Variants in NOLC1 observed in about 807,000 individuals in gnomAD.
NOLC1 encodes the protein nucleolar and coiled-body phosphoprotein 1.
Under a neutral mutation model 73.4 loss-of-function variants are expected in NOLC1, and 37 were observed. The ratio of observed to expected loss-of-function variants is 0.50; its 90% CI spans 0.39 to 0.66. The LOEUF (loss-of-function observed/expected upper bound fraction) is 0.66. Ranked by LOEUF, NOLC1 falls within the 30% of genes least tolerant of loss-of-function variation. The pLI is 0.00. For missense variants in NOLC1, 921 were observed against 838.9 expected (o/e 1.10, Z -1.21); for synonymous variants, 327 against 302.6 (o/e 1.08, Z -0.84).
chr10:102,157,525 T>TGAG lies in NOLC1; in HGVS notation c.417_419dup (p.Glu139dup). 1 of 1,613,960 alleles carries TGAG rather than the reference T, an allele frequency of 6.2e-7. No homozygotes were observed. The highest frequency in any genetic ancestry group is 8.5e-7 in the Non-Finnish European group (1 of 1,179,994). On this transcript the variant is annotated inframe_insertion, in exon 4 of 13. Transcript: ENST00000605788. ...GTGAAGAGTCCAGTGATGATGATGA[T>TGAG]GAGGAGGACCAAAAGAAACAGCCTG...
rs771424736 is a variant in NOLC1, at chr10:102,159,998, G to A, written c.962G>A (p.Ser321Asn). ...GTGGAGAAGCAGCAGCCTGTGGAAA[G>A]CAGTGAAGACAGCAGTGATGAGTCT... ...KAVEKQQPVESSEDSSDESDS... is the reference protein window; with the variant it reads ...KAVEKQQPVENSEDSSDESDS... The change falls in exon 8 of 13, where the codon AGC becomes AAC. Residue 321 changes from serine (S) to asparagine (N), a missense_variant. Transcript: ENST00000605788. The A allele has an allele frequency of 6.2e-7, 1 of 1,612,824 alleles. No individual in the cohort carries two copies. The highest frequency in any genetic ancestry group is 1.3e-5 in the African/African-American group (1 of 74,916).
rs1403996772 is a variant in NOLC1 at position 102,157,457 on chromosome 10, C to T, written c.343C>T (p.Pro115Ser). The T allele has an allele frequency of 6.2e-7, 1 of 1,614,122 alleles. No individual in the cohort carries two copies. Residue 115 changes from proline to serine, a missense_variant, in exon 4 of 13, where the codon CCT becomes TCT. Coordinates refer to ENST00000605788, the MANE Select transcript of NOLC1 (RefSeq NM_004741.5). ...AAVPAKRVGL[P>S]PGKAAAKASE... Reference sequence around the variant, plus strand: ...TGTACCTGCCAAGCGAGTCGGTCTGCCTCCTGGGAAGGCTGCAGCCAAAGC... The same window carrying T: ...TGTACCTGCCAAGCGAGTCGGTCTGTCTCCTGGGAAGGCTGCAGCCAAAGC...
At chr10:102,153,370 T>C (rs571840856) in intron 1 of NOLC1, among the ~76,000 whole-genome samples, 1 of 152,268 alleles carries the variant, frequency 6.6e-6, no homozygotes, top group East Asian at 1.9e-4. Flanking sequence ...ACCAGGAATG[T>C]GAAAGGTTTG....
In NOLC1 at chr10:102,161,858, T is replaced by A. The variant is rs1223742464; in HGVS notation, c.1874T>A (p.Phe625Tyr). 6.2e-7 allele frequency: 1 copy of A among 1,613,962 alleles called. No individual in the cohort carries two copies. Among genetic ancestry groups the A allele is most frequent in the East Asian group, 2.2e-5 (1 of 44,874 alleles). ...GGAGAAAAAAGGGCATCATCCCCAT[T>A]CCGAAGGGTCAGGGAGGAGGAAATT... Reference protein sequence around the residue: ...KKGEKRASSPFRRVREEEIEV... With the variant: ...KKGEKRASSPYRRVREEEIEV... The change falls in exon 12 of 13, where the codon TTC becomes TAC. Residue 625 changes from phenylalanine (F) to tyrosine (Y), a missense_variant. Phe to Tyr is a conservative substitution (Grantham distance 22). Coordinates refer to ENST00000605788, the MANE Select transcript of NOLC1 (RefSeq NM_004741.5).
rs1481741550 is a variant in NOLC1 at position 102,160,025 on chromosome 10, G to GTGAGTCAGAGGGATGCAGCC, written c.988+3_988+22dup. On this transcript the variant is annotated splice_donor_variant, in intron 8 of 12. Transcript: ENST00000605788. LOFTEE classifies it high-confidence loss of function. ...AGTGAAGACAGCAGTGATGAGTCTG[G>GTGAGTCAGAGGGATGCAGCC]TGAGTCAGAGGGATGCAGCCTCCCC... 4.3e-6 allele frequency: 7 copies of GTGAGTCAGAGGGATGCAGCC among 1,612,600 alleles called. No homozygotes were observed. Among genetic ancestry groups the GTGAGTCAGAGGGATGCAGCC allele is most frequent in the Non-Finnish European group, 5.9e-6 (7 of 1,179,272 alleles).
chr10:102,160,102 C>G, intron 8 of NOLC1, 78 bp downstream of exon 8: 1 of 1,588,780 alleles, frequency 6.3e-7, no homozygotes, highest in Admixed American at 1.8e-5. Context: ...AGAAAGCCTT[C>G]CATCCTTCGG....
intron 4 of NOLC1, 60 bp from the exon 5 acceptor site, chr10:102,157,989 G>A: frequency 6.7e-7 from 1 of 1,491,282 alleles, no homozygotes; most frequent in South Asian, 1.2e-5. Context: ...AGGAACCTAG[G>A]ATGCCCTTTG....
chr10:102,159,932 C>G lies in NOLC1; in HGVS notation c.896C>G (p.Pro299Arg), dbSNP rs148574895. The G allele has an allele frequency of 1.1e-5, 18 of 1,608,440 alleles. No homozygotes were observed. In the East Asian group the frequency reaches 1.1e-4, roughly 10 times the overall value. ...TCAGTCCCCCCGCCTTCTGCTCCCC[C>G]ACCAAAGAAGTCTCTGGGAACCCAG... is the stretch of plus-strand genomic sequence containing the variant. ...YSSVPPPSAP[P>R]PKKSLGTQPP... The change falls in exon 8 of 13, where the codon CCA becomes CGA. Residue 299 changes from proline to arginine, a missense_variant. By Grantham distance (103) the Pro-to-Arg change is moderately radical. Transcript: ENST00000605788.
rs776552035 is a variant in NOLC1, at chr10:102,158,000, G to T, written c.442-49G>T. On this transcript the variant is annotated intron_variant, in intron 4 of 12. Transcript: ENST00000605788. ...TAAAAGGAACCTAGGATGCCCTTTG[G>T]GTACCCGGAAGCTTTTGCTGATTTC... is the stretch of plus-strand genomic sequence containing the variant. 4.5e-6 allele frequency: 7 copies of T among 1,565,240 alleles called. No individual in the cohort carries two copies. The Admixed American group carries it at 1.1e-4, about 25-fold the overall frequency.
At chr10:102,157,603 AAAC>A (rs762347584) in intron 4 of NOLC1, 48 bp downstream of exon 4, 14 of 1,588,696 alleles carry the variant, frequency 8.8e-6, no homozygotes, top group African/African-American at 4.1e-5. Context: ...AGAAAGGAAG[AAAC>A]CTAAAATCTT....
intron 1 of NOLC1, among the ~76,000 whole-genome samples, chr10:102,155,429 C>G (rs2069579906): frequency 6.6e-6 from 1 of 150,874 alleles, no homozygotes; most frequent in Non-Finnish European, 1.5e-5. Flanking sequence ...CACTGTCTTG[C>G]CCAGGCTGGT....
In NOLC1 at chr10:102,158,006, C is replaced by T. The variant is rs765093080; in HGVS notation, c.442-43C>T. On this transcript the variant is annotated intron_variant, in intron 4 of 12. Coordinates refer to ENST00000605788, the MANE Select transcript of NOLC1 (RefSeq NM_004741.5). ...GAACCTAGGATGCCCTTTGGGTACC[C>T]GGAAGCTTTTGCTGATTTCTCTCCT... 1.1e-5 allele frequency: 17 copies of T among 1,586,636 alleles called. No homozygotes were observed. The African/African-American group carries it at 1.4e-4, about 13-fold the overall frequency.
rs1248981531 is a variant in NOLC1 at position 102,163,170 on chromosome 10, C to T, written c.*901C>T. ...GAAAAATACATATCACTTGGTATTG[C>T]TGTCTTGGTTGCAGTGGTGATACAG... On this transcript the variant is annotated 3_prime_UTR_variant, in exon 13 of 13. Coordinates refer to ENST00000605788, the MANE Select transcript of NOLC1 (RefSeq NM_004741.5). 6.6e-6 allele frequency: 1 copy of T among 152,070 alleles called. No individual in the cohort carries two copies. Among genetic ancestry groups the T allele is most frequent in the Admixed American group, 6.6e-5 (1 of 15,256 alleles). The allele number at this position is 152,070 out of a possible 1,614,324, so 9.4% of individuals were successfully genotyped here.
rs1378850498 is a variant in NOLC1, at chr10:102,160,238, A to G, written c.994A>G (p.Ser332Gly). 1.9e-6 allele frequency: 3 copies of G among 1,613,376 alleles called. No individual in the cohort carries two copies. The highest frequency in any genetic ancestry group is 1.1e-5 in the South Asian group (1 of 91,072). Residue 332 changes from serine (S) to glycine (G), a missense_variant, in exon 9 of 13, where the codon AGT becomes GGT. Transcript: ENST00000605788. ...ATGCTACAGGTTCTCCTCAGATTCA[A>G]GTTCTGAAGAAGAGAAGAAACCCCC... ...SEDSSDESDS[S>G]SEEEKKPPTK... is the part of the protein sequence containing the mutation.
intron 1 of NOLC1, among the ~76,000 whole-genome samples, chr10:102,154,892 G>C (rs778754664): frequency 6.6e-6 from 1 of 152,164 alleles, no homozygotes; most frequent in Non-Finnish European, 1.5e-5. Context: ...GTCTCACTCT[G>C]TCGCCCAGGC....
In NOLC1 at chr10:102,160,844, G is replaced by A; in HGVS notation, c.1492G>A (p.Ala498Thr). ...SAVKKKPQKVAGGAAPSKPAS... is the reference protein window; with the variant it reads ...SAVKKKPQKVTGGAAPSKPAS... ...AGTTAAGAAGAAGCCACAGAAGGTA[G>A]CAGGAGGTGCAGCCCCTTCCAAGCC... The change falls in exon 10 of 13, where the codon GCA (alanine) becomes ACA (threonine). Residue 498 changes from alanine to threonine, a missense_variant. Transcript: ENST00000605788. 1 of 1,614,172 alleles carries A rather than the reference G, an allele frequency of 6.2e-7. No individual in the cohort carries two copies. Among genetic ancestry groups the A allele is most frequent in the Non-Finnish European group, 8.5e-7 (1 of 1,180,040 alleles).
rs1298328539 is a variant in NOLC1, at chr10:102,161,088, A to C, written c.1736A>C (p.Lys579Thr). 6.2e-7 allele frequency: 1 copy of C among 1,605,682 alleles called. No homozygotes were observed. The highest frequency in any genetic ancestry group is 1.3e-5 in the African/African-American group (1 of 74,534). ...AAAAAGGCGGCAGTGGTAGTTTCCA[A>C]ATCAGGTCTGTACCCAATGAACATG... ...EKKKAAVVVS[K>T]SGSLKKRKQN... Residue 579 changes from lysine (K) to threonine (T), a missense_variant, in exon 10 of 13, where the codon AAA becomes ACA. Transcript: ENST00000605788.
intron 1 of NOLC1, among the ~76,000 whole-genome samples, chr10:102,154,722 T>C (rs1448136477): frequency 1.3e-5 from 2 of 151,888 alleles, no homozygotes; most frequent in Non-Finnish European, 2.9e-5. Flanking sequence ...AGAGATGGGG[T>C]TTCACCATAC....
At position 102,160,323 on chromosome 10, in the gene NOLC1, A is replaced by T. The variant is rs2069678788; in HGVS notation, c.1079A>T (p.Glu360Val). 8 of 1,614,116 alleles carry T rather than the reference A, an allele frequency of 5.0e-6. No individual in the cohort carries two copies. The highest frequency in any genetic ancestry group is 5.9e-6 in the Non-Finnish European group (7 of 1,180,036). Residue 360 changes from glutamate (E) to valine (V), a missense_variant, in exon 9 of 13, where the codon GAG becomes GTG. Glu to Val is a moderately radical substitution (Grantham distance 121). Coordinates refer to ENST00000605788, the MANE Select transcript of NOLC1 (RefSeq NM_004741.5). ...TKPPPAKKAA[E>V]SSSDSSDSDS... is the part of the protein sequence containing the mutation. ...CCACCTCCAGCAAAGAAAGCAGCAG[A>T]GAGCTCTTCAGACAGCTCAGGTAAG...
Sources: gnomAD v4.1 joint callset for allele counts (sites outside exome capture counted in the v4.1 genomes callset) on GRCh38, gnomAD v4.1.1 for gene constraint, MANE v1.5 for transcripts, NCBI Gene and HGNC (gene_info 2026-07-23, HGNC 2026-07-21) for gene names.